The following PPFIA2 variants were observed in gnomAD, a reference collection of about 807,000 sequenced individuals.
The protein encoded by PPFIA2 is PPFI scaffold protein A2, also known as liprin-alpha-2.
PPFIA2 carries 46 observed loss-of-function variants against 175.5 expected under a neutral mutation model. That is an observed-to-expected ratio of 0.26 (90% CI 0.21 to 0.34). PPFIA2 has a LOEUF of 0.34. PPFIA2 is among the 10% of genes least tolerant of loss of function. The pLI, the probability that PPFIA2 is intolerant of heterozygous loss-of-function variation, is 1.00. For synonymous variants in PPFIA2, 568 were observed against 511.4 expected (o/e 1.11, Z -1.49); for missense variants, 1,179 against 1,506.1 (o/e 0.78, Z 3.60).
intron 4 of PPFIA2, 198 bp downstream of exon 4, chr12:81,676,593 G>T: frequency 2.8e-6 from 1 of 353,076 alleles, no homozygotes; most frequent in East Asian, 4.2e-5. Context: ...AAATTTTTAT[G>T]AGTTGTTAAA....
At chr12:81,365,244 T>C (rs1471417622) in intron 14 of PPFIA2, among the ~76,000 whole-genome samples, 1 of 151,830 alleles carries the variant, frequency 6.6e-6, no homozygotes, top group African/African-American at 2.4e-5. Flanking sequence ...GTTTTGCTGA[T>C]AATGGACTGT....
At chr12:81,630,502 T>C (rs2063244766) in intron 4 of PPFIA2, among the ~76,000 whole-genome samples, 1 of 152,138 alleles carries the variant, frequency 6.6e-6, no homozygotes, top group East Asian at 1.9e-4. Flanking sequence ...ATACGGAAGG[T>C]ATTGAGAAGC....
rs543817312 is a variant in PPFIA2, at chr12:81,409,372, G to A, written c.646-3469C>T. ...AATTGCCTTTGTAATGGTATTAAGA[G>A]GTGGGACCTTTAACAGGTTTTTACG... On this transcript the variant is annotated intron_variant, in intron 7 of 32. Transcript: ENST00000549396. Among the ~76,000 whole-genome samples the A allele has an allele frequency of 3.3e-5, 5 of 152,236 alleles. No individual in the cohort carries two copies. The South Asian group carries it at 6.2e-4, about 19-fold the overall frequency.
intron 4 of PPFIA2, among the ~76,000 whole-genome samples, chr12:81,488,351 T>G (rs746556358): frequency 6.6e-6 from 1 of 151,780 alleles, no homozygotes; most frequent in African/African-American, 2.4e-5. Context: ...TTGCCATTTT[T>G]GGGAGGTTTT....
intron 28 of PPFIA2, among the ~76,000 whole-genome samples, chr12:81,271,188 G>A (rs2136424943): frequency 6.6e-6 from 1 of 152,120 alleles, no homozygotes; most frequent in Middle Eastern, 3.4e-3. Flanking sequence ...CCATCTATTT[G>A]TCCTATCTGT....
intron 3 of PPFIA2, among the ~76,000 whole-genome samples, chr12:81,710,610 A>G (rs1362991465): frequency 6.6e-6 from 1 of 152,106 alleles, no homozygotes; most frequent in Non-Finnish European, 1.5e-5. Flanking sequence ...ATATTTACAT[A>G]TACATAATGA....
At chr12:81,535,437 A>T (rs1232549372) in intron 4 of PPFIA2, 1 of 455,422 alleles carries the variant, frequency 2.2e-6, no homozygotes, top group Admixed American at 2.4e-5. Flanking sequence ...CTCAGTGGAC[A>T]CTAGGTCATG....
intron 8 of PPFIA2, among the ~76,000 whole-genome samples, chr12:81,397,158 G>A (rs914618379): frequency 6.6e-6 from 1 of 152,048 alleles, no homozygotes; most frequent in African/African-American, 2.4e-5. Context: ...TGAACTAGAG[G>A]TAAAGATTCA....
chr12:81,263,368 C>A lies in PPFIA2; in HGVS notation c.3578G>T (p.Arg1193Leu). The change falls in exon 31 of 33, where the codon CGT becomes CTT. Residue 1193 changes from arginine (R) to leucine (L), a missense_variant. Around this residue, in one of 10 missense-constraint regions of PPFIA2, gnomAD observed 245 missense variants for 375.1 expected, o/e 0.65. Transcript: ENST00000549396. ...AAACTGCCTTCTCCAGGTTGATCCA[C>A]GTCTGAAGTTCTTGTCATCACTCTG... ...LDESDDKNFR[R>L]GSTWRRQFPP... The A allele has an allele frequency of 6.2e-7, 1 of 1,613,380 alleles. No homozygotes were observed. The highest frequency in any genetic ancestry group is 1.3e-5 in the African/African-American group (1 of 75,026).
intron 4 of PPFIA2, among the ~76,000 whole-genome samples, chr12:81,508,192 T>G (rs985073349): frequency 6.6e-6 from 1 of 152,090 alleles, no homozygotes; most frequent in African/African-American, 2.4e-5. Flanking sequence ...CCTCGTGTAT[T>G]ATCTGCAAGG....
intron 23 of PPFIA2, among the ~76,000 whole-genome samples, chr12:81,297,479 G>A (rs1049560785): frequency 6.6e-6 from 1 of 152,124 alleles, no homozygotes; most frequent in Non-Finnish European, 1.5e-5. Flanking sequence ...AGAAAAGAAG[G>A]GGAAGATCTA....
chr12:81,261,879 T>C, intron 32 of PPFIA2, 70 bp downstream of exon 32: 1 of 1,020,264 alleles, frequency 9.8e-7, no homozygotes, highest in South Asian at 1.5e-5. Flanking sequence ...GTATAGTGTA[T>C]ATTTATTAGT....
chr12:81,361,001 T>C (rs1457735847), intron 15 of PPFIA2, among the ~76,000 whole-genome samples: 2 of 151,866 alleles, frequency 1.3e-5, no homozygotes, highest in South Asian at 4.1e-4. Flanking sequence ...AAGCAGCTTG[T>C]AATTATCTGT....
At chr12:81,489,653 C>T (rs1432420296) in intron 4 of PPFIA2, among the ~76,000 whole-genome samples, 1 of 151,916 alleles carries the variant, frequency 6.6e-6, no homozygotes, top group East Asian at 1.9e-4. Flanking sequence ...CAATTAGTCA[C>T]TGCTCCATAT....
At chr12:81,704,018 A>G (rs1473005145) in intron 3 of PPFIA2, among the ~76,000 whole-genome samples, 1 of 152,038 alleles carries the variant, frequency 6.6e-6, no homozygotes, top group Non-Finnish European at 1.5e-5. Context: ...TTTGTTGTTT[A>G]CCTGTTTGTT....
intron 3 of PPFIA2, among the ~76,000 whole-genome samples, chr12:81,689,545 T>C (rs1466053145): frequency 6.6e-6 from 1 of 152,032 alleles, no homozygotes; most frequent in Non-Finnish European, 1.5e-5. Context: ...TATAGCATAA[T>C]GTAGGAGTTG....
intron 4 of PPFIA2, among the ~76,000 whole-genome samples, chr12:81,631,358 G>C (rs2153498548): frequency 6.6e-6 from 1 of 152,198 alleles, no homozygotes; most frequent in African/African-American, 2.4e-5. Context: ...AAAAAATACT[G>C]CTCAAGAGTC....
At chr12:81,319,292 T>A (rs2053144345) in intron 22 of PPFIA2, among the ~76,000 whole-genome samples, 1 of 151,816 alleles carries the variant, frequency 6.6e-6, no homozygotes, top group Non-Finnish European at 1.5e-5. Flanking sequence ...CTTAGCTTTC[T>A]TTTTACTAAC....
Position 81,332,910 on chromosome 12 carries a change from G to T in PPFIA2, c.2548+6270C>A, listed in dbSNP as rs553875732. Among the ~76,000 whole-genome samples, 4 of 152,252 alleles carry T rather than the reference G, an allele frequency of 2.6e-5. No homozygotes were observed. The South Asian group carries it at 8.3e-4, about 32-fold the overall frequency. On this transcript the variant is annotated intron_variant, in intron 21 of 32. Transcript: ENST00000549396. ...ATCTTCTAGAATCTTTAGGCATACAGCTCTAGAAGTCTGTAATCTTAAAAG... is the reference window on the plus strand; with the variant it reads ...ATCTTCTAGAATCTTTAGGCATACATCTCTAGAAGTCTGTAATCTTAAAAG...
Sources: gnomAD v4.1 joint callset for allele counts (sites outside exome capture counted in the v4.1 genomes callset) on GRCh38, gnomAD v4.1.1 for gene constraint, gnomAD v4.1.1 regional missense constraint, MANE v1.5 for transcripts, NCBI Gene and HGNC (gene_info 2026-07-23, HGNC 2026-07-21) for gene names.